The following SLC38A10 variants were observed in gnomAD, a reference collection of about 807,000 sequenced individuals.
The protein encoded by SLC38A10 is solute carrier family 38 member 10.
Under a neutral mutation model 81.0 loss-of-function variants are expected in SLC38A10, and 53 were observed. The ratio of observed to expected loss-of-function variants is 0.65; its 90% CI spans 0.53 to 0.82. The LOEUF (loss-of-function observed/expected upper bound fraction) is 0.82. SLC38A10 is among the 40% of genes least tolerant of loss of function. The pLI, the probability that SLC38A10 is intolerant of heterozygous loss-of-function variation, is 0.00. For synonymous variants in SLC38A10, 665 were observed against 655.3 expected, an observed-to-expected ratio of 1.01 and a Z score of -0.23; for missense variants, 1,471 against 1,545.0, an observed-to-expected ratio of 0.95 and a Z score of 0.80.
At chr17:81,259,486 C>T (rs562366384) in intron 11 of SLC38A10, among the ~76,000 whole-genome samples, 1 of 152,326 alleles carries the variant, frequency 6.6e-6, no homozygotes, top group Non-Finnish European at 1.5e-5. Context: ...CCACTCAGAG[C>T]TCGTGGGAGG....
At position 81,270,394 on chromosome 17, in the gene SLC38A10, C is replaced by T. The variant is rs2063104322; in HGVS notation, c.1131+524G>A. 6.6e-6 allele frequency among the ~76,000 whole-genome samples: 1 copy of T among 152,224 alleles called. No homozygotes were observed. The highest frequency in any genetic ancestry group is 2.4e-5 in the African/African-American group (1 of 41,448). ...ATTATGGAATCTTCCTACCACGGAA[C>T]CCATGAAACGGCTAAAAATAGCGAG... On this transcript the variant is annotated intron_variant, in intron 10 of 15. Transcript: ENST00000374759. The surrounding 1 kb of genome is among the most constrained non-coding windows in gnomAD (Gnocchi z 4.0).
chr17:81,255,971 G>A (rs934270412), intron 11 of SLC38A10, among the ~76,000 whole-genome samples: 2 of 151,936 alleles, frequency 1.3e-5, no homozygotes, highest in Non-Finnish European at 2.9e-5. Context: ...GACAGAGCGA[G>A]ACTCCATCTC....
intron 10 of SLC38A10, among the ~76,000 whole-genome samples, chr17:81,261,858 T>C (rs538657843): frequency 1.3e-5 from 2 of 152,274 alleles, no homozygotes; most frequent in African/African-American, 4.8e-5. Flanking sequence ...CTGCCCCAGG[T>C]GCACACGGGG....
At position 81,294,806 on chromosome 17, in the gene SLC38A10, G is replaced by T. The variant is rs1249993777; in HGVS notation, c.99+17C>A. On this transcript the variant is annotated intron_variant, in intron 1 of 15. Transcript: ENST00000374759. The stretch of plus-strand genomic sequence containing the variant: ...GGGGGAGGCGAGGGCGGTGATCTCC[G>T]GGCCCACCGGACTCACCTGTTTGAA... The T allele has an allele frequency of 1.9e-6, 3 of 1,569,554 alleles. No homozygotes were observed. The highest frequency in any genetic ancestry group is 1.4e-5 in the African/African-American group (1 of 71,510).
chr17:81,273,459 G>A (rs967888202), intron 8 of SLC38A10, among the ~76,000 whole-genome samples: 18 of 152,206 alleles, frequency 1.2e-4, no homozygotes, highest in Non-Finnish European at 2.1e-4. Context: ...TCATCCAGCC[G>A]TGGTAAGGAC....
chr17:81,246,944 T>C lies in SLC38A10; in HGVS notation c.2183A>G (p.Glu728Gly). ...QQEKLLAVIE[E>G]QHKEIHQQRQ... ...CTGCTGGTGGATCTCCTTGTGCTGC[T>C]CCTCGATCACCGCCAGCAGCTTCTC... The change falls in exon 15 of 16, where the codon GAG becomes GGG. Residue 728 changes from glutamate (E) to glycine (G), a missense_variant. Transcript: ENST00000374759. 3 of 1,607,844 alleles carry C rather than the reference T, an allele frequency of 1.9e-6. No individual in the cohort carries two copies. The highest frequency in any genetic ancestry group is 2.5e-6 in the Non-Finnish European group (3 of 1,179,608).
At chr17:81,249,315 GGGAAGAGGAGGAA>G (rs1369375557) in intron 14 of SLC38A10, among the ~76,000 whole-genome samples, 19 of 45,368 alleles carry the variant, frequency 4.2e-4, no homozygotes, top group Non-Finnish European at 5.7e-4. Context: ...GGAGGAAGGA[GGGAAGAGGAGGAA>G]GGAGGGAAGA....
Position 81,283,587 on chromosome 17 carries a change from G to T in SLC38A10, c.264-85C>A. On this transcript the variant is annotated intron_variant, in intron 3 of 15. Coordinates refer to ENST00000374759, the MANE Select transcript of SLC38A10 (RefSeq NM_001037984.3). This position sits in a 1 kb window ranked among gnomAD's most constrained non-coding sequence, Gnocchi z 4.7. ...TGCCGCCAGGGACTACCCCAAGGCT[G>T]GGCTGAATGACAGATGTGATTTCTT... 4.2e-6 allele frequency: 4 copies of T among 942,304 alleles called. No individual in the cohort carries two copies. Among genetic ancestry groups the T allele is most frequent in the South Asian group, 1.5e-5 (1 of 67,932 alleles). The allele number at this position is 942,304 out of a possible 1,614,324, so 58.4% of individuals were successfully genotyped here. A position where few individuals can be genotyped will look rare whatever the true frequency, so the allele number is the denominator to read the frequency against.
chr17:81,248,115 G>A (rs528368041), intron 14 of SLC38A10, among the ~76,000 whole-genome samples: 10 of 151,816 alleles, frequency 6.6e-5, no homozygotes, highest in African/African-American at 1.7e-4. Context: ...CCGCCACCGC[G>A]CCCGGCTAAT....
At chr17:81,258,128 G>A (rs1177339265) in intron 11 of SLC38A10, among the ~76,000 whole-genome samples, 1 of 152,190 alleles carries the variant, frequency 6.6e-6, no homozygotes, top group African/African-American at 2.4e-5. Flanking sequence ...CATGAGGATG[G>A]GATTCACGGC....
chr17:81,282,114 A>AG, intron 5 of SLC38A10, 75 bp downstream of exon 5: 1 of 1,595,160 alleles, frequency 6.3e-7, no homozygotes, highest in South Asian at 1.1e-5. Context: ...CCTGGGCACG[A>AG]GCCTGCTGTG....
chr17:81,267,011 G>C (rs767657484), intron 10 of SLC38A10, among the ~76,000 whole-genome samples: 6 of 152,190 alleles, frequency 3.9e-5, no homozygotes, highest in Non-Finnish European at 8.8e-5. Context: ...TGTTCCAAGA[G>C]CAACAAGTCA....
At chr17:81,278,535 A>G (rs1417245655) in intron 6 of SLC38A10, among the ~76,000 whole-genome samples, 2 of 152,138 alleles carry the variant, frequency 1.3e-5, no homozygotes, top group Admixed American at 6.5e-5. Flanking sequence ...GCAGGACATG[A>G]GCCTTCCCCT....
At position 81,289,694 on chromosome 17, in the gene SLC38A10, G is replaced by A. The variant is rs1413794005; in HGVS notation, c.214C>T (p.Leu72=). The change falls in exon 2 of 16, where the codon CTG becomes TTG. Residue 72 remains leucine (L), a synonymous_variant. Transcript: ENST00000374759. This position sits in a 1 kb window ranked among gnomAD's most constrained non-coding sequence, Gnocchi z 5.9. ...CCTTGTGGAGAGGGCGCCTCACCCA[G>A]GCCGGCGTAGGTCCTCCGCTTGCTC... ...SLSKRRTYAG[L]AFHAYGKAGK... 4.4e-6 allele frequency: 7 copies of A among 1,607,262 alleles called. No homozygotes were observed. In the East Asian group the frequency reaches 1.3e-4, roughly 31 times the overall value.
chr17:81,257,724 A>G (rs1489158796), intron 11 of SLC38A10, among the ~76,000 whole-genome samples: 1 of 152,218 alleles, frequency 6.6e-6, no homozygotes, highest in Non-Finnish European at 1.5e-5. Context: ...TCTGTCCCAC[A>G]TCACCGCATT....
At chr17:81,275,715 G>C (rs1386807152) in intron 8 of SLC38A10, among the ~76,000 whole-genome samples, 2 of 85,570 alleles carry the variant, frequency 2.3e-5, no homozygotes. Flanking sequence ...CTGGGCGACA[G>C]AGCGAAACTC....
intron 8 of SLC38A10, among the ~76,000 whole-genome samples, chr17:81,275,739 A>AAAAAAAAAAAAAG (rs1368927739): frequency 4.7e-5 from 7 of 149,984 alleles, no homozygotes; most frequent in African/African-American, 1.7e-4. Context: ...CTCAAAAAAA[A>AAAAAAAAAAAAAG]AGAGAACTGT....
Position 81,277,257 on chromosome 17 carries a change from T to G in SLC38A10, c.627-124A>C. On this transcript the variant is annotated intron_variant, in intron 6 of 15. Transcript: ENST00000374759. The surrounding 1 kb of genome is among the most constrained non-coding windows in gnomAD (Gnocchi z 4.5). ...TGACCTTCCTTCATGCAACATTCTC[T>G]GCACACTGGAAGTCCCAGCGCTGAG... 5 of 819,958 alleles carry G rather than the reference T, an allele frequency of 6.1e-6. No individual in the cohort carries two copies. Among genetic ancestry groups the G allele is most frequent in the East Asian group, 2.8e-5 (1 of 36,172 alleles). The allele number at this position is 819,958 out of a possible 1,614,324, so 50.8% of individuals were successfully genotyped here. A position where few individuals can be genotyped will look rare whatever the true frequency, so the allele number is the denominator to read the frequency against.
intron 1 of SLC38A10, among the ~76,000 whole-genome samples, chr17:81,291,646 G>A (rs58169760): frequency 0.016 from 2,411 of 152,246 alleles, 65 homozygotes; most frequent in African/African-American, 0.055. Flanking sequence ...GCTCCAGAGC[G>A]GAGCACACGC....
Sources: gnomAD v4.1 joint callset for allele counts (sites outside exome capture counted in the v4.1 genomes callset) on GRCh38, gnomAD v4.1.1 for gene constraint, Gnocchi (gnomAD v3.1) non-coding constraint, MANE v1.5 for transcripts, NCBI Gene and HGNC (gene_info 2026-07-23, HGNC 2026-07-21) for gene names.